The following SLC44A5 variants were observed in gnomAD, a reference collection of about 807,000 sequenced individuals.
SLC44A5 encodes solute carrier family 44 member 5, also known as choline transporter-like protein 5.
In SLC44A5, 57 loss-of-function variants were observed where a neutral mutation model predicts 101.8. The observed-to-expected ratio is 0.56, with a 90% CI of 0.45 to 0.70. The LOEUF is 0.70. Among genes scored for constraint, SLC44A5 ranks in the 30% least tolerant of loss-of-function variants. SLC44A5 has a pLI of 0.00. For missense variants in SLC44A5, 737 were observed against 853.1 expected (o/e 0.86, Z 1.70); for synonymous variants, 281 against 290.9 (o/e 0.97, Z 0.35).
chr1:75,453,215 T>C (rs1438075219), intron 2 of SLC44A5, among the ~76,000 whole-genome samples: 1 of 151,974 alleles, frequency 6.6e-6, no homozygotes, highest in Non-Finnish European at 1.5e-5. Flanking sequence ...AAAATATAAA[T>C]CAATACCAAG....
At chr1:75,641,683 T>C in the SLC44A5 span, 1 of 1,522,758 alleles carries the variant, frequency 6.6e-7, no homozygotes, top group East Asian at 2.3e-5. Flanking sequence ...TATATACCTC[T>C]CTCCAATCTT....
intron 4 of SLC44A5, among the ~76,000 whole-genome samples, chr1:75,326,224 A>G (rs1656586125): frequency 6.7e-6 from 1 of 150,228 alleles, no homozygotes; most frequent in Non-Finnish European, 1.5e-5. Flanking sequence ...AAAGTATTCC[A>G]TATTCTGAAT....
At chr1:75,209,129 C>A (rs1383944765) in intron 23 of SLC44A5, among the ~76,000 whole-genome samples, 1 of 152,138 alleles carries the variant, frequency 6.6e-6, no homozygotes, top group Non-Finnish European at 1.5e-5. Context: ...TGTCAACATG[C>A]AATACACTGA....
At chr1:75,341,753 C>T (rs1657900930) in intron 3 of SLC44A5, among the ~76,000 whole-genome samples, 1 of 152,098 alleles carries the variant, frequency 6.6e-6, no homozygotes, top group Non-Finnish European at 1.5e-5. Context: ...TGACTTGAAT[C>T]TTTCACTCTG....
At chr1:75,249,489 G>A (rs112254149) in intron 7 of SLC44A5, among the ~76,000 whole-genome samples, 157 of 152,212 alleles carry the variant, frequency 1.0e-3, no homozygotes, top group African/African-American at 3.7e-3. Context: ...TGGCCTGGAG[G>A]TTAAAGGACA....
chr1:75,326,591 C>A (rs1656617657), intron 4 of SLC44A5, among the ~76,000 whole-genome samples: 1 of 152,096 alleles, frequency 6.6e-6, no homozygotes, highest in South Asian at 2.1e-4. Context: ...TTATAATAAC[C>A]TAGTTTAGGA....
At chr1:75,680,065 T>G in the SLC44A5 span, among the ~76,000 whole-genome samples, 1 of 152,282 alleles carries the variant, frequency 6.6e-6, no homozygotes, top group South Asian at 2.1e-4. Flanking sequence ...GAGCTAACTA[T>G]CCTAAATATA....
At chr1:75,471,257 T>C (rs1667092246) in intron 2 of SLC44A5, among the ~76,000 whole-genome samples, 1 of 152,122 alleles carries the variant, frequency 6.6e-6, no homozygotes, top group Non-Finnish European at 1.5e-5. Context: ...ATTTCTGCCT[T>C]GAAGGGAATC....
At chr1:75,383,335 C>T (rs1056822007) in intron 3 of SLC44A5, among the ~76,000 whole-genome samples, 2 of 140,904 alleles carry the variant, frequency 1.4e-5, no homozygotes, top group Non-Finnish European at 3.1e-5. Context: ...ATGCTGAACG[C>T]TGGTTCCCCG....
In SLC44A5 at chr1:75,249,710, T is replaced by C. The variant is rs1017228393; in HGVS notation, c.345+1500A>G. 1.4e-4 allele frequency among the ~76,000 whole-genome samples: 22 copies of C among 152,220 alleles called. 1 individual carries two copies. Among genetic ancestry groups the C allele is most frequent in the Non-Finnish European group, 1.0e-4 (7 of 68,040 alleles). ...ACCATTGTACATGTAGTGTCAAGAC[T>C]TGATAAAGAGAACTATACATCATCT... On this transcript the variant is annotated intron_variant, in intron 7 of 23. Coordinates refer to ENST00000370859, the MANE Select transcript of SLC44A5 (RefSeq NM_001130058.2).
At chr1:75,480,347 C>T (rs987415203) in intron 2 of SLC44A5, among the ~76,000 whole-genome samples, 4 of 152,158 alleles carry the variant, frequency 2.6e-5, no homozygotes, top group Admixed American at 1.3e-4. Context: ...TGGCACAAGA[C>T]AGGGATGCTC....
intron 2 of SLC44A5, among the ~76,000 whole-genome samples, chr1:75,500,759 A>G (rs771816193): frequency 5.3e-5 from 8 of 152,214 alleles, no homozygotes; most frequent in Non-Finnish European, 7.3e-5. Flanking sequence ...CTTTGGTGAA[A>G]GAACCTTGAA....
chr1:75,359,997 T>A (rs76198788), intron 3 of SLC44A5, among the ~76,000 whole-genome samples: 13,868 of 152,246 alleles, frequency 0.091, 861 homozygotes, highest in Admixed American at 0.2. Flanking sequence ...GTCCTTTCCC[T>A]ATGTTTTAAT....
At chr1:75,402,444 C>A in intron 2 of SLC44A5, 1 of 406,014 alleles carries the variant, frequency 2.5e-6, no homozygotes, top group East Asian at 8.2e-5. Flanking sequence ...CCAGCAAGAT[C>A]AACGCAGAAG....
At chr1:75,417,990 A>T (rs1663765878) in intron 2 of SLC44A5, among the ~76,000 whole-genome samples, 1 of 152,274 alleles carries the variant, frequency 6.6e-6, no homozygotes, top group African/African-American at 2.4e-5. Flanking sequence ...ACTAATAGTC[A>T]CAAGCACAAA....
chr1:75,250,270 G>C (rs570475584), intron 7 of SLC44A5, among the ~76,000 whole-genome samples: 1 of 152,124 alleles, frequency 6.6e-6, no homozygotes, highest in Admixed American at 6.6e-5. Context: ...TTCTGTTCCT[G>C]TTTTAGTTTT....
intron 3 of SLC44A5, among the ~76,000 whole-genome samples, chr1:75,361,878 T>C (rs1427040113): frequency 6.6e-6 from 1 of 152,060 alleles, no homozygotes; most frequent in Non-Finnish European, 1.5e-5. Context: ...TTTGGAGGTA[T>C]TCCATTCACT....
At chr1:75,204,871 A>G (rs1646724043) in intron 23 of SLC44A5, 1 of 152,202 alleles carries the variant, frequency 6.6e-6, no homozygotes, top group Non-Finnish European at 1.5e-5. Context: ...ATCACAGTAT[A>G]TCAGAATCTC....
intron 4 of SLC44A5, among the ~76,000 whole-genome samples, chr1:75,336,859 A>G (rs1476464726): frequency 3.3e-5 from 5 of 152,154 alleles, no homozygotes; most frequent in Non-Finnish European, 2.9e-5. Context: ...AAATAGTATG[A>G]GGTGTATTCC....
Sources: allele counts gnomAD v4.1 joint callset (sites outside exome capture counted in the v4.1 genomes callset), GRCh38; gene constraint gnomAD v4.1.1; transcripts MANE v1.5; gene names NCBI Gene and HGNC (gene_info 2026-07-23, HGNC 2026-07-21).